MRPS5: variants seen among roughly 807,000 people sequenced by gnomAD.
MRPS5 encodes small ribosomal subunit protein uS5m.
Under a neutral mutation model 51.9 loss-of-function variants are expected in MRPS5, and 27 were observed. The observed-to-expected ratio is 0.52, with a 90% confidence interval of 0.38 to 0.72. The LOEUF (loss-of-function observed/expected upper bound fraction) is 0.72, where lower values mean the gene tolerates loss of function less well. Ranked by LOEUF, MRPS5 falls within the 30% of genes least tolerant of loss-of-function variation. MRPS5 has a pLI of 0.00. For synonymous variants in MRPS5, 196 were observed against 193.2 expected (o/e 1.01, Z -0.12); for missense variants, 570 against 545.7 (o/e 1.04, Z -0.44).
chr2:95,095,154 G>C (rs1296789608), intron 10 of MRPS5, among the ~76,000 whole-genome samples: 1 of 152,130 alleles, frequency 6.6e-6, no homozygotes, highest in African/African-American at 2.4e-5. Flanking sequence ...AATGGTAAAG[G>C]CATCAATTCA....
intron 8 of MRPS5, among the ~76,000 whole-genome samples, chr2:95,101,413 T>G (rs894578239): frequency 2.0e-5 from 3 of 151,912 alleles, no homozygotes; most frequent in African/African-American, 4.8e-5. Context: ...TAACAATTCC[T>G]TAGTATCTTC....
chr2:95,087,475 C>G lies in MRPS5; in HGVS notation c.1175G>C (p.Arg392Thr), dbSNP rs1675328547. The G allele has an allele frequency of 1.2e-6, 2 of 1,614,054 alleles. No homozygotes were observed. Among genetic ancestry groups the G allele is most frequent in the African/African-American group, 2.7e-5 (2 of 74,946 alleles). The change falls in exon 12 of 12, where the codon AGG becomes ACG. Residue 392 changes from arginine to threonine, a missense_variant. Coordinates refer to ENST00000272418, the MANE Select transcript of MRPS5 (RefSeq NM_031902.5). ...CTCATCTTCTGGCTCTGGATCCTTC[C>G]TCAAGGGCCCCCGGGGGGACGCAAC... ...IVVASPRGPL[R>T]KDPEPEDEVP...
chr2:95,120,141 C>T (rs1438090047), intron 1 of MRPS5, among the ~76,000 whole-genome samples: 1 of 152,150 alleles, frequency 6.6e-6, no homozygotes, highest in African/African-American at 2.4e-5. Context: ...AATATACTTA[C>T]AAAAACATTG....
At chr2:95,102,306 A>G (rs1232360740) in intron 7 of MRPS5, among the ~76,000 whole-genome samples, 2 of 152,268 alleles carry the variant, frequency 1.3e-5, no homozygotes, top group Non-Finnish European at 2.9e-5. Context: ...TCAATTTAAA[A>G]AAAACTAAAT....
intron 11 of MRPS5, among the ~76,000 whole-genome samples, chr2:95,089,206 G>A (rs1675386824): frequency 6.6e-6 from 1 of 152,134 alleles, no homozygotes; most frequent in Non-Finnish European, 1.5e-5. Context: ...GTTTTAGACA[G>A]TAACACACAC....
At chr2:95,107,619 C>T (rs1025528505) in intron 5 of MRPS5, among the ~76,000 whole-genome samples, 8 of 152,112 alleles carry the variant, frequency 5.3e-5, no homozygotes, top group African/African-American at 1.7e-4. Context: ...AAGAAAGCAG[C>T]GAAACTCTTA....
rs749418808 is a variant in MRPS5 at position 95,087,496 on chromosome 2, G to A, written c.1154C>T (p.Ala385Val). The change falls in exon 12 of 12, where the codon GCG becomes GTG. Residue 385 changes from alanine to valine, a missense_variant. By Grantham distance (64) the Ala-to-Val change is moderately conservative. Coordinates refer to ENST00000272418, the MANE Select transcript of MRPS5 (RefSeq NM_031902.5). ...CTTCCTCAAGGGCCCCCGGGGGGAC[G>A]CAACCACAATGGGCAGAGGGCCACA... ...EECGPLPIVV[A>V]SPRGPLRKDP... 1.7e-5 allele frequency: 28 copies of A among 1,614,028 alleles called. No homozygotes were observed. Among genetic ancestry groups the A allele is most frequent in the East Asian group, 4.5e-5 (2 of 44,888 alleles).
At chr2:95,104,231 G>T (rs1336120884) in intron 7 of MRPS5, 12 of 161,356 alleles carry the variant, frequency 7.4e-5, no homozygotes, top group Admixed American at 1.8e-4. Context: ...ACGTTTTTGT[G>T]TTTTTTTTTT....
At chr2:95,097,789 C>T (rs899607856) in intron 10 of MRPS5, among the ~76,000 whole-genome samples, 7 of 152,146 alleles carry the variant, frequency 4.6e-5, no homozygotes, top group Non-Finnish European at 7.3e-5. Flanking sequence ...TAGGCATGGG[C>T]AAGGACTTCA....
intron 1 of MRPS5, among the ~76,000 whole-genome samples, chr2:95,118,465 C>G (rs868455836): frequency 6.6e-6 from 1 of 152,266 alleles, no homozygotes; most frequent in South Asian, 2.1e-4. Context: ...CCTTTCTCTC[C>G]TCCATCTTCC....
rs377346272 is a variant in MRPS5 at position 95,104,689 on chromosome 2, C to A, written c.714G>T (p.Lys238Asn). 1.9e-6 allele frequency: 3 copies of A among 1,614,178 alleles called. No homozygotes were observed. Residue 238 changes from lysine to asparagine, a missense_variant, in exon 7 of 12, where the codon AAG (lysine) becomes AAT (asparagine). Lys to Asn is a moderately conservative substitution (Grantham distance 94). Coordinates refer to ENST00000272418, the MANE Select transcript of MRPS5 (RefSeq NM_031902.5). ...VFTMTAKEGR[K>N]KSIRVLVAVG... ...CAGCCACCAAGACACGGATCGATTT[C>A]TTTCTTCCCTCTTTCGCAGTCATAG...
At chr2:95,111,530 T>C (rs1394421211) in intron 3 of MRPS5, among the ~76,000 whole-genome samples, 1 of 152,114 alleles carries the variant, frequency 6.6e-6, no homozygotes, top group Non-Finnish European at 1.5e-5. Flanking sequence ...TATATATATA[T>C]AGTAAGAGGA....
chr2:95,106,476 C>G lies in MRPS5; in HGVS notation c.638-19G>C, dbSNP rs535412773. ...TATGTTTCTGTAGGGAGAAAAGAAA[C>G]AGGGATACAGATGAAATGTGTGTAC... On this transcript the variant is annotated intron_variant, in intron 5 of 11. Transcript: ENST00000272418. 4 of 1,585,902 alleles carry G rather than the reference C, an allele frequency of 2.5e-6. No homozygotes were observed. The highest frequency in any genetic ancestry group is 1.4e-5 in the African/African-American group (1 of 74,020).
At chr2:95,118,835 T>C (rs966443717) in intron 1 of MRPS5, among the ~76,000 whole-genome samples, 9 of 152,140 alleles carry the variant, frequency 5.9e-5, no homozygotes, top group Non-Finnish European at 1.3e-4. Context: ...TCACACCATA[T>C]ATAAAAATTA....
chr2:95,095,883 C>A (rs1358998159), intron 10 of MRPS5, among the ~76,000 whole-genome samples: 1 of 151,546 alleles, frequency 6.6e-6, no homozygotes, highest in Non-Finnish European at 1.5e-5. Flanking sequence ...AACAGACACA[C>A]AAAAAAAACC....
rs762461741 is a variant in MRPS5 at position 95,108,253 on chromosome 2, CCTT to C, written c.556_558del (p.Lys186del). The C allele has an allele frequency of 2.2e-5, 36 of 1,613,126 alleles. No individual in the cohort carries two copies. Among genetic ancestry groups the C allele is most frequent in the Non-Finnish European group, 2.9e-5 (34 of 1,179,138 alleles). ...CCACTCCATCCTCGCTCCCGTTTAA[CCTT>C]CATCTTCTTCTTTCGGTCCCACTCT... On this transcript the variant is annotated inframe_deletion, in exon 5 of 12. Transcript: ENST00000272418.
chr2:95,101,292 G>A (rs1327573603), intron 8 of MRPS5, among the ~76,000 whole-genome samples: 1 of 151,612 alleles, frequency 6.6e-6, no homozygotes, highest in South Asian at 2.1e-4. Flanking sequence ...GCGGAGGCAG[G>A]AGAATCACTT....
At position 95,110,106 on chromosome 2, in the gene MRPS5, A is replaced by G. The variant is rs947719644; in HGVS notation, c.278-65T>C. 20 of 1,563,770 alleles carry G rather than the reference A, an allele frequency of 1.3e-5. No homozygotes were observed. The African/African-American group carries it at 2.2e-4, about 17-fold the overall frequency. On this transcript the variant is annotated intron_variant, in intron 3 of 11. Transcript: ENST00000272418. The stretch of plus-strand genomic sequence containing the variant: ...TTCAAGCAATGGTCTATGATCTCCT[A>G]TTGAATAATAAGAGAAGTGGAGGTC...
rs746219247 is a variant in MRPS5, at chr2:95,108,241, G to A, written c.571C>T (p.Arg191Ter). Residue 191 changes from arginine to a stop codon, truncating the protein, a stop_gained, in exon 5 of 12, where the codon CGA becomes TGA. Coordinates refer to ENST00000272418, the MANE Select transcript of MRPS5 (RefSeq NM_031902.5). LOFTEE classifies it high-confidence loss of function. ...RKKKMKVKRE[R>*]GWSGNSWGGI... ...CCCCATGAGTTTCCACTCCATCCTC[G>A]CTCCCGTTTAACCTTCATCTTCTTC... The A allele has an allele frequency of 3.7e-6, 6 of 1,614,022 alleles. No individual in the cohort carries two copies. The highest frequency in any genetic ancestry group is 1.3e-5 in the African/African-American group (1 of 74,992).
Sources: gnomAD v4.1 joint callset for allele counts (sites outside exome capture counted in the v4.1 genomes callset) on GRCh38, gnomAD v4.1.1 for gene constraint, MANE v1.5 for transcripts, NCBI Gene and HGNC (gene_info 2026-07-23, HGNC 2026-07-21) for gene names.